Variants in LHPP observed in about 807,000 individuals in gnomAD.
LHPP encodes hLHPP.
In LHPP, 24 loss-of-function variants were observed where a neutral mutation model predicts 30.3. The ratio of observed to expected loss-of-function variants is 0.79; its 90% confidence interval spans 0.57 to 1.11. The LOEUF is 1.11. Among genes scored for constraint, LHPP ranks in the 50% most tolerant of loss-of-function variants. The pLI is 0.00. For synonymous variants in LHPP, 150 were observed against 157.1 expected, an observed-to-expected ratio of 0.95 and a Z score of 0.34; for missense variants, 356 against 367.2, an observed-to-expected ratio of 0.97 and a Z score of 0.25.
At chr10:124,561,782 A>AC (rs1474708677) in intron 6 of LHPP, among the ~76,000 whole-genome samples, 1 of 152,022 alleles carries the variant, frequency 6.6e-6, no homozygotes, top group African/African-American at 2.4e-5. Context: ...AATAAGACTC[A>AC]GAGTCTCACA....
chr10:124,534,537 A>T (rs1954976289), intron 6 of LHPP, among the ~76,000 whole-genome samples: 2 of 152,082 alleles, frequency 1.3e-5, no homozygotes, highest in African/African-American at 4.8e-5. Flanking sequence ...CAGACCCACG[A>T]CCTAACCATT....
At chr10:124,521,619 C>T (rs1044226199) in intron 6 of LHPP, among the ~76,000 whole-genome samples, 3 of 152,172 alleles carry the variant, frequency 2.0e-5, no homozygotes, top group African/African-American at 7.2e-5. Context: ...TGTCCTGGGC[C>T]CAGGTGGCAG....
intron 6 of LHPP, among the ~76,000 whole-genome samples, chr10:124,571,990 A>G (rs1948590632): frequency 6.6e-6 from 1 of 152,124 alleles, no homozygotes. Context: ...AGTTCTGGGG[A>G]AGGAACATTC....
In LHPP at chr10:124,499,244, C is replaced by T. The variant is rs527940419; in HGVS notation, c.624+1116C>T. Among the ~76,000 whole-genome samples, 9 of 151,988 alleles carry T rather than the reference C, an allele frequency of 5.9e-5. No individual in the cohort carries two copies. In the South Asian group the frequency reaches 1.9e-3, roughly 31 times the overall value. ...CCATGTTGCCCAGGCTGGTTTTAAA[C>T]TCCTAGCTCAAGCCGTCCTCCTGCC... On this transcript the variant is annotated intron_variant, in intron 5 of 6. Transcript: ENST00000368842.
intron 3 of LHPP, among the ~76,000 whole-genome samples, chr10:124,495,627 CGAG>C (rs1953680917): frequency 6.6e-6 from 1 of 152,154 alleles, no homozygotes; most frequent in Non-Finnish European, 1.5e-5. Context: ...GGGCAGCTCC[CGAG>C]GAGCTCAGTT....
chr10:124,501,620 AAG>A (rs1173711198), intron 5 of LHPP, among the ~76,000 whole-genome samples: 5 of 150,206 alleles, frequency 3.3e-5, no homozygotes, highest in African/African-American at 1.2e-4. Flanking sequence ...AAAAAAAAAA[AAG>A]AAAAATATTC....
At chr10:124,494,064 G>C (rs1277892714) in intron 3 of LHPP, among the ~76,000 whole-genome samples, 4 of 152,106 alleles carry the variant, frequency 2.6e-5, no homozygotes, top group African/African-American at 9.7e-5. Context: ...GTTCTCCTTG[G>C]ACTCTAAAGA....
intron 1 of LHPP, among the ~76,000 whole-genome samples, chr10:124,477,893 G>A (rs1020954580): frequency 6.6e-6 from 1 of 152,132 alleles, no homozygotes; most frequent in Non-Finnish European, 1.5e-5. Flanking sequence ...GCACCTGGTG[G>A]CCCCTCTGTG....
intron 6 of LHPP, among the ~76,000 whole-genome samples, chr10:124,569,162 TG>T (rs1254280000): frequency 6.6e-6 from 1 of 152,208 alleles, no homozygotes; most frequent in Non-Finnish European, 1.5e-5. Context: ...GGATCAGGAA[TG>T]GCTGTCTTTC....
intron 6 of LHPP, among the ~76,000 whole-genome samples, chr10:124,553,015 T>G (rs942498531): frequency 6.6e-5 from 10 of 152,264 alleles, no homozygotes; most frequent in African/African-American, 1.7e-4. Flanking sequence ...TCCGAGCTGA[T>G]AATGAGCGCC....
intron 6 of LHPP, among the ~76,000 whole-genome samples, chr10:124,556,557 G>A (rs1174686811): frequency 6.6e-6 from 1 of 152,140 alleles, no homozygotes. Flanking sequence ...GGAATTGCTG[G>A]GTCAAAGGGT....
chr10:124,462,871 T>A (rs1169920178), intron 1 of LHPP, among the ~76,000 whole-genome samples: 1 of 152,142 alleles, frequency 6.6e-6, no homozygotes, highest in Non-Finnish European at 1.5e-5. Context: ...TTACTTTTTT[T>A]ATTTGTTTTG....
chr10:124,513,286 C>G (rs1045008504), intron 5 of LHPP, among the ~76,000 whole-genome samples: 1 of 152,112 alleles, frequency 6.6e-6, no homozygotes, highest in Non-Finnish European at 1.5e-5. Flanking sequence ...TCTGGAACTC[C>G]TGGGCTCAAG....
intron 6 of LHPP, among the ~76,000 whole-genome samples, chr10:124,604,113 T>C (rs375650804): frequency 6.6e-6 from 1 of 152,184 alleles, no homozygotes; most frequent in Non-Finnish European, 1.5e-5. Context: ...TCGGGTTTCT[T>C]TGTAAGCAGC....
At chr10:124,537,356 G>C in intron 6 of LHPP, among the ~76,000 whole-genome samples, 1 of 152,240 alleles carries the variant, frequency 6.6e-6, no homozygotes, top group East Asian at 1.9e-4. Flanking sequence ...TGCCAGACAT[G>C]AGGACCTGGA....
rs1009268338 is a variant in LHPP, at chr10:124,490,603, C to T, written c.467+2028C>T. 2.3e-4 allele frequency: 54 copies of T among 231,612 alleles called. 1 individual carries two copies. Among genetic ancestry groups the T allele is most frequent in the African/African-American group, 2.3e-4 (10 of 42,646 alleles). 14.3% of individuals were successfully genotyped at this position (231,612 alleles called of 1,614,324 possible). On this transcript the variant is annotated intron_variant, in intron 3 of 6. Transcript: ENST00000368842. ...TCTCTGCAGCTGTAGGGTCCAGGTC[C>T]GGGGCTGGAAAGCATGATTTTTTTC...
intron 6 of LHPP, among the ~76,000 whole-genome samples, chr10:124,518,268 A>C (rs889675366): frequency 2.6e-5 from 4 of 152,094 alleles, no homozygotes; most frequent in Non-Finnish European, 4.4e-5. Flanking sequence ...TTCTTTCTTG[A>C]AGTTGGGTTT....
intron 6 of LHPP, among the ~76,000 whole-genome samples, chr10:124,534,255 C>A (rs1305855979): frequency 1.3e-5 from 2 of 152,390 alleles, no homozygotes; most frequent in African/African-American, 4.8e-5. Flanking sequence ...GGCCGTCTTT[C>A]CTCCGGTGCT....
At chr10:124,512,079 C>T (rs1589816106) in intron 5 of LHPP, among the ~76,000 whole-genome samples, 1 of 152,194 alleles carries the variant, frequency 6.6e-6, no homozygotes, top group African/African-American at 2.4e-5. Context: ...GATGATGAGA[C>T]TGTGGAATTA....
Sources: allele counts gnomAD v4.1 joint callset (sites outside exome capture counted in the v4.1 genomes callset), GRCh38; gene constraint gnomAD v4.1.1; transcripts MANE v1.5; gene names NCBI Gene and HGNC (gene_info 2026-07-23, HGNC 2026-07-21).